CAP1: variants seen among roughly 807,000 people sequenced by gnomAD.
CAP1 encodes the protein adenylyl cyclase-associated protein 1.
CAP1 carries 11 observed loss-of-function variants against 58.2 expected under a neutral mutation model. That is an observed-to-expected ratio of 0.19 (90% CI 0.12 to 0.31). The LOEUF is 0.31. Ranked by LOEUF, CAP1 falls within the 10% of genes least tolerant of loss-of-function variation. CAP1 has a pLI of 1.00. For synonymous variants in CAP1, 183 were observed against 213.8 expected, an observed-to-expected ratio of 0.86 and a Z score of 1.26; for missense variants, 423 against 587.5, an observed-to-expected ratio of 0.72 and a Z score of 2.89.
chr1:40,061,942 C>T, intron 4 of CAP1, 130 bp downstream of exon 4: 1 of 727,560 alleles, frequency 1.4e-6, no homozygotes, highest in Non-Finnish European at 2.4e-6. Context: ...ATACCAAGTC[C>T]CAGAGGTAGA....
rs1318156893 is a variant in CAP1, at chr1:40,069,739, G to T, written c.858G>T (p.Leu286=). The change falls in exon 9 of 13, where the codon CTG becomes CTT. Residue 286 remains leucine (L), a synonymous_variant. Coordinates refer to ENST00000372805, the MANE Select transcript of CAP1 (RefSeq NM_006367.4). ...DDMKTHKNPA[L]KAQSGPVRSG... Reference sequence around the variant, plus strand: ...TGAAGACTCACAAGAACCCTGCCCTGAAGGCTCAGAGTGGTCCAGTACGCA... The same window carrying T: ...TGAAGACTCACAAGAACCCTGCCCTTAAGGCTCAGAGTGGTCCAGTACGCA... 6.2e-7 allele frequency: 1 copy of T among 1,613,838 alleles called. No homozygotes were observed. The highest frequency in any genetic ancestry group is 1.7e-5 in the Admixed American group (1 of 59,960).
intron 10 of CAP1, 31 bp downstream of exon 10, chr1:40,070,313 C>T: frequency 6.2e-7 from 1 of 1,613,660 alleles, no homozygotes; most frequent in African/African-American, 1.3e-5. Context: ...CACGCAAGCC[C>T]CGTCCCAGAG....
At chr1:40,066,773 G>A (rs1474303304) in intron 7 of CAP1, among the ~76,000 whole-genome samples, 2 of 152,128 alleles carry the variant, frequency 1.3e-5, no homozygotes, top group Non-Finnish European at 2.9e-5. Flanking sequence ...AGTAGTATAG[G>A]GCAGTGAGAA....
At chr1:40,067,373 A>G in intron 7 of CAP1, 167 bp from the exon 8 acceptor site, 3 of 513,096 alleles carry the variant, frequency 5.8e-6, no homozygotes, top group South Asian at 6.6e-5. Flanking sequence ...TCCTTGGGAA[A>G]GGGTGAGAAG....
intron 1 of CAP1, among the ~76,000 whole-genome samples, chr1:40,050,441 C>T (rs1646306930): frequency 3.9e-4 from 1 of 2,572 alleles, no homozygotes; most frequent in Non-Finnish European, 9.1e-4. Flanking sequence ...GGTGGATCAC[C>T]TGAGATCAGG....
In CAP1 at chr1:40,061,791, T is replaced by C. The variant is rs753701225; in HGVS notation, c.273T>C (p.Ser91=). The C allele has an allele frequency of 1.9e-6, 3 of 1,613,994 alleles. No homozygotes were observed. The highest frequency in any genetic ancestry group is 2.7e-5 in the African/African-American group (2 of 74,950). Residue 91 remains serine, a synonymous_variant, in exon 4 of 13, where the codon TCT becomes TCC. Transcript: ENST00000372805. The part of the protein sequence containing the change: ...KLERALLVTA[S]QCQQPAENKL... The stretch of plus-strand genomic sequence containing the variant: ...AGCGAGCTCTGTTGGTTACAGCTTC[T>C]CAGTGTCAACAGCCAGCAGAAGTAA...
chr1:40,051,597 A>G (rs1646371223), intron 1 of CAP1, among the ~76,000 whole-genome samples: 1 of 151,878 alleles, frequency 6.6e-6, no homozygotes, highest in Non-Finnish European at 1.5e-5. Context: ...GTTTTTTGAG[A>G]TGGAGTCTCA....
chr1:40,051,745 T>G (rs922915983), intron 1 of CAP1, among the ~76,000 whole-genome samples: 24 of 151,990 alleles, frequency 1.6e-4, no homozygotes, highest in African/African-American at 5.8e-4. Flanking sequence ...CTGGCTAATT[T>G]TTTTTATTAG....
intron 1 of CAP1, among the ~76,000 whole-genome samples, chr1:40,053,179 G>A (rs532492470): frequency 1.3e-5 from 2 of 152,102 alleles, no homozygotes; most frequent in Non-Finnish European, 2.9e-5. Context: ...ATCTGAGATC[G>A]TGCCACTGTA....
intron 1 of CAP1, among the ~76,000 whole-genome samples, chr1:40,044,963 A>AT (rs1225189786): frequency 6.6e-5 from 10 of 151,248 alleles, no homozygotes; most frequent in Non-Finnish European, 1.3e-4. Flanking sequence ...GGCCCAGCTA[A>AT]TTTTTTGTAT....
At chr1:40,051,061 C>G (rs572346304) in intron 1 of CAP1, among the ~76,000 whole-genome samples, 6 of 152,234 alleles carry the variant, frequency 3.9e-5, no homozygotes, top group African/African-American at 1.4e-4. Flanking sequence ...TTTCTCTTGC[C>G]TCTTCAAGAT....
chr1:40,057,371 C>T (rs1005409952), intron 1 of CAP1: 2 of 152,118 alleles, frequency 1.3e-5, no homozygotes, highest in African/African-American at 4.8e-5. Context: ...GGCAGGAATT[C>T]AGATATCAGT....
At chr1:40,047,771 C>T (rs1259082706) in intron 1 of CAP1, among the ~76,000 whole-genome samples, 2 of 152,142 alleles carry the variant, frequency 1.3e-5, no homozygotes, top group African/African-American at 2.4e-5. Flanking sequence ...CTGTTTGCTC[C>T]AGACATTGAA....
At chr1:40,045,670 C>G (rs886174189) in intron 1 of CAP1, among the ~76,000 whole-genome samples, 1 of 152,078 alleles carries the variant, frequency 6.6e-6, no homozygotes, top group African/African-American at 2.4e-5. Context: ...GTTCTCCTGC[C>G]TCAGCCTCCT....
chr1:40,045,590 C>T (rs974311227), intron 1 of CAP1, among the ~76,000 whole-genome samples: 3 of 151,958 alleles, frequency 2.0e-5, no homozygotes, highest in Non-Finnish European at 4.4e-5. Context: ...GAGTTTTGCT[C>T]GGTCGCCCAG....
Position 40,071,467 on chromosome 1 carries a change from T to A in CAP1, c.1362T>A (p.Pro454=). The A allele has an allele frequency of 1.9e-6, 3 of 1,612,984 alleles. No homozygotes were observed. Among genetic ancestry groups the A allele is most frequent in the Non-Finnish European group, 1.7e-6 (2 of 1,179,042 alleles). Residue 454 remains proline (P), a synonymous_variant, in exon 13 of 13, where the codon CCT becomes CCA. Transcript: ENST00000372805. ...EGGDFNEFPV[P]EQFKTLWNGQ... is the part of the protein sequence containing the mutation. ...ATTTGCAGAATGAATTCCCAGTTCC[T>A]GAGCAGTTCAAGACCCTATGGAACG...
chr1:40,046,323 G>A (rs1646100043), intron 1 of CAP1, among the ~76,000 whole-genome samples: 1 of 152,056 alleles, frequency 6.6e-6, no homozygotes, highest in Non-Finnish European at 1.5e-5. Flanking sequence ...GGGTGTGGTG[G>A]CATGTACCGT....
chr1:40,059,021 T>C (rs1395028902), intron 1 of CAP1, among the ~76,000 whole-genome samples: 6 of 152,060 alleles, frequency 3.9e-5, no homozygotes, highest in Non-Finnish European at 8.8e-5. Flanking sequence ...CCTTTGCAAA[T>C]TCTAACTTTC....
chr1:40,046,410 C>T (rs1047019141), intron 1 of CAP1, among the ~76,000 whole-genome samples: 10 of 152,002 alleles, frequency 6.6e-5, no homozygotes, highest in East Asian at 1.9e-4. Context: ...GAGCTAAGAT[C>T]GTGCCACTGC....
Sources: gnomAD v4.1 joint callset for allele counts (sites outside exome capture counted in the v4.1 genomes callset) on GRCh38, gnomAD v4.1.1 for gene constraint, MANE v1.5 for transcripts, NCBI Gene and HGNC (gene_info 2026-07-23, HGNC 2026-07-21) for gene names.